CTIF: variants seen among roughly 807,000 people sequenced by gnomAD.
CTIF encodes the protein cap binding complex dependent translation initiation factor.
In CTIF, 21 loss-of-function variants were observed where a neutral mutation model predicts 66.0. The ratio of observed to expected loss-of-function variants is 0.32; its 90% CI spans 0.23 to 0.46. The LOEUF (loss-of-function observed/expected upper bound fraction) is 0.46, where lower values mean the gene tolerates loss of function less well. CTIF is among the 20% of genes least tolerant of loss of function. CTIF has a pLI of 1.00. For synonymous variants in CTIF, 345 were observed against 326.4 expected (o/e 1.06, Z -0.62); for missense variants, 739 against 812.7 (o/e 0.91, Z 1.10).
chr18:48,650,415 G>T (rs299732), intron 3 of CTIF, among the ~76,000 whole-genome samples: 1 of 152,078 alleles, frequency 6.6e-6, no homozygotes, highest in Non-Finnish European at 1.5e-5. Context: ...AAAGTGAGAA[G>T]AGAAGTTTAG....
chr18:48,840,503 T>G (rs927123751), intron 10 of CTIF, among the ~76,000 whole-genome samples: 2 of 152,232 alleles, frequency 1.3e-5, no homozygotes, highest in Non-Finnish European at 2.9e-5. Context: ...GGTAAGGCTC[T>G]AAAGCCAAAC....
chr18:48,581,101 C>G (rs1295281044), intron 1 of CTIF, among the ~76,000 whole-genome samples: 2 of 152,228 alleles, frequency 1.3e-5, no homozygotes, highest in Non-Finnish European at 2.9e-5. Flanking sequence ...AGCATCAGCT[C>G]TCTAATATCC....
chr18:48,703,617 G>A (rs953633591), intron 6 of CTIF, among the ~76,000 whole-genome samples: 1 of 152,230 alleles, frequency 6.6e-6, no homozygotes, highest in Non-Finnish European at 1.5e-5. Flanking sequence ...AGGGGTCAGA[G>A]GTCAAAGATC....
chr18:48,658,150 T>A (rs1308075168), intron 3 of CTIF, among the ~76,000 whole-genome samples: 1 of 151,998 alleles, frequency 6.6e-6, no homozygotes, highest in East Asian at 1.9e-4. Context: ...GGTACATGTA[T>A]GTTTGTGTGT....
intron 6 of CTIF, among the ~76,000 whole-genome samples, chr18:48,697,546 T>A (rs2092024593): frequency 6.6e-6 from 1 of 152,174 alleles, no homozygotes; most frequent in Non-Finnish European, 1.5e-5. Flanking sequence ...TGTTCAGGGA[T>A]GGCATGGCAG....
intron 9 of CTIF, among the ~76,000 whole-genome samples, chr18:48,778,864 C>T (rs1301970370): frequency 3.3e-5 from 5 of 152,202 alleles, no homozygotes; most frequent in Non-Finnish European, 7.3e-5. Flanking sequence ...GCAGGTCGCG[C>T]TGGTCCCTGG....
rs143231464 is a variant in CTIF at position 48,734,488 on chromosome 18, C to T, written c.584+22793C>T. Among the ~76,000 whole-genome samples the T allele has an allele frequency of 6.0e-3, 909 of 152,282 alleles. 15 individuals carry two copies. The highest frequency in any genetic ancestry group is 0.021 in the African/African-American group (867 of 41,552). ...GGCTGAGGCAGGAGAATCGCTAGAA[C>T]GCGGGAGGCAGAGGTTGCAGTGAGC... On this transcript the variant is annotated intron_variant, in intron 7 of 11. Transcript: ENST00000256413.
intron 1 of CTIF, among the ~76,000 whole-genome samples, chr18:48,543,630 G>C (rs1326253936): frequency 6.6e-6 from 1 of 152,204 alleles, no homozygotes; most frequent in Non-Finnish European, 1.5e-5. Flanking sequence ...CAGAGCTGGG[G>C]AGGACTTTGA....
intron 1 of CTIF, among the ~76,000 whole-genome samples, chr18:48,575,059 A>G (rs771628395): frequency 3.3e-5 from 5 of 152,198 alleles, no homozygotes; most frequent in Admixed American, 6.5e-5. Flanking sequence ...AGTTCCAGAC[A>G]CAGGGAGCCC....
chr18:48,586,514 G>A (rs2143892791), intron 1 of CTIF, among the ~76,000 whole-genome samples: 1 of 151,948 alleles, frequency 6.6e-6, no homozygotes, highest in South Asian at 2.1e-4. Context: ...CAAGTGATCT[G>A]CCCACCTCGG....
At chr18:48,656,383 G>A (rs996665497) in intron 3 of CTIF, among the ~76,000 whole-genome samples, 2 of 152,240 alleles carry the variant, frequency 1.3e-5, no homozygotes, top group Admixed American at 6.5e-5. Context: ...GTAAAATGGG[G>A]ATGGTGATCA....
chr18:48,624,869 G>C (rs1469378894), intron 2 of CTIF, among the ~76,000 whole-genome samples: 1 of 152,172 alleles, frequency 6.6e-6, no homozygotes, highest in Non-Finnish European at 1.5e-5. Context: ...TCTTGTTAAG[G>C]GGTCAAATTA....
intron 2 of CTIF, among the ~76,000 whole-genome samples, chr18:48,622,588 G>T (rs1034176795): frequency 6.6e-6 from 1 of 152,172 alleles, no homozygotes; most frequent in Non-Finnish European, 1.5e-5. Flanking sequence ...GTCTGGTGGT[G>T]CATTAACTTA....
chr18:48,635,415 C>T (rs1397763048), intron 2 of CTIF, among the ~76,000 whole-genome samples: 6 of 150,144 alleles, frequency 4.0e-5, no homozygotes. Flanking sequence ...CCTTAAATTC[C>T]TGGGCTTAAG....
intron 10 of CTIF, among the ~76,000 whole-genome samples, chr18:48,830,378 G>A (rs2068664763): frequency 6.6e-6 from 1 of 152,130 alleles, no homozygotes; most frequent in Non-Finnish European, 1.5e-5. Flanking sequence ...TGGCCAGGCT[G>A]ATCTCAAACT....
At chr18:48,687,055 ATAGT>A (rs1348007351) in intron 6 of CTIF, among the ~76,000 whole-genome samples, 2 of 152,078 alleles carry the variant, frequency 1.3e-5, no homozygotes, top group African/African-American at 2.4e-5. Flanking sequence ...TTGGATTTAA[ATAGT>A]TAGGGAAACA....
chr18:48,666,226 G>C (rs1434521685), intron 5 of CTIF, among the ~76,000 whole-genome samples: 2 of 151,642 alleles, frequency 1.3e-5, no homozygotes, highest in Non-Finnish European at 2.9e-5. Context: ...TTCACTTCAG[G>C]TCTAAGTATT....
intron 9 of CTIF, among the ~76,000 whole-genome samples, chr18:48,781,090 G>T (rs1002252164): frequency 6.6e-6 from 1 of 152,158 alleles, no homozygotes; most frequent in Non-Finnish European, 1.5e-5. Context: ...TTGTTGTCAG[G>T]CTCCCAAATG....
intron 7 of CTIF, among the ~76,000 whole-genome samples, chr18:48,736,774 T>C (rs2145712765): frequency 6.6e-6 from 1 of 152,218 alleles, no homozygotes; most frequent in African/African-American, 2.4e-5. Context: ...AAGCTGACAT[T>C]GGCCCGGCCT....
Sources: allele counts gnomAD v4.1 joint callset (sites outside exome capture counted in the v4.1 genomes callset), GRCh38; gene constraint gnomAD v4.1.1; transcripts MANE v1.5; gene names NCBI Gene and HGNC (gene_info 2026-07-23, HGNC 2026-07-21).